The following BABAM2 variants were observed in gnomAD, a reference collection of about 807,000 sequenced individuals.
BABAM2 encodes BRISC and BRCA1 A complex member 2.
In BABAM2, 31 loss-of-function variants were observed where a neutral mutation model predicts 54.7. The observed-to-expected ratio is 0.57, with a 90% CI of 0.43 to 0.77. The LOEUF (loss-of-function observed/expected upper bound fraction) is 0.77. Ranked by LOEUF, BABAM2 falls within the 30% of genes least tolerant of loss-of-function variation. BABAM2 has a pLI of 0.00. For missense variants in BABAM2, 364 were observed against 455.8 expected, an observed-to-expected ratio of 0.80 and a Z score of 1.83; for synonymous variants, 167 against 162.9, an observed-to-expected ratio of 1.03 and a Z score of -0.19.
intron 7 of BABAM2, among the ~76,000 whole-genome samples, chr2:28,164,338 C>T (rs529331546): frequency 5.3e-5 from 8 of 152,172 alleles, no homozygotes; most frequent in South Asian, 2.1e-4. Flanking sequence ...TAGAGGAGTG[C>T]GTCCTGGCCT....
chr2:28,319,084 T>G (rs1245348705), intron 11 of BABAM2, among the ~76,000 whole-genome samples: 10 of 152,096 alleles, frequency 6.6e-5, no homozygotes, highest in Admixed American at 6.5e-4. Flanking sequence ...AAATGCAAAT[T>G]AGGAAGGAAG....
chr2:28,074,245 C>T (rs1664445880), intron 6 of BABAM2, among the ~76,000 whole-genome samples: 1 of 152,140 alleles, frequency 6.6e-6, no homozygotes, highest in Admixed American at 6.5e-5. Flanking sequence ...TTTTCAGCCT[C>T]AGCACTATTG....
At chr2:28,251,945 C>G (rs1408173997) in intron 10 of BABAM2, among the ~76,000 whole-genome samples, 1 of 152,152 alleles carries the variant, frequency 6.6e-6, no homozygotes, top group African/African-American at 2.4e-5. Flanking sequence ...AATCCCAGCA[C>G]TTGGGGAGGC....
At chr2:28,008,891 C>T (rs368048137) in intron 4 of BABAM2, among the ~76,000 whole-genome samples, 4 of 152,070 alleles carry the variant, frequency 2.6e-5, no homozygotes, top group African/African-American at 7.2e-5. Flanking sequence ...GTTCTTCCCC[C>T]CTGGATATGG....
intron 11 of BABAM2, among the ~76,000 whole-genome samples, chr2:28,337,781 T>C (rs1193158909): frequency 6.6e-6 from 1 of 152,228 alleles, no homozygotes; most frequent in South Asian, 2.1e-4. Context: ...GGCCAGGAGT[T>C]TGAGACCAGT....
intron 7 of BABAM2, among the ~76,000 whole-genome samples, chr2:28,179,669 A>G (rs1281709679): frequency 3.3e-5 from 5 of 152,184 alleles, no homozygotes; most frequent in African/African-American, 9.6e-5. Context: ...TAACAATCAG[A>G]AAAGAGGAAG....
At chr2:28,112,154 C>G (rs1236121162) in intron 6 of BABAM2, among the ~76,000 whole-genome samples, 1 of 12,526 alleles carries the variant, frequency 8.0e-5, no homozygotes, top group African/African-American at 3.1e-4. Flanking sequence ...TCTTTACCTC[C>G]CTCCCTCCCT....
At chr2:28,155,695 G>A (rs2147793079) in intron 7 of BABAM2, among the ~76,000 whole-genome samples, 1 of 152,254 alleles carries the variant, frequency 6.6e-6, no homozygotes, top group South Asian at 2.1e-4. Context: ...GAGATAATGA[G>A]CTATAAAGAG....
chr2:27,930,282 C>G (rs1177830714), intron 3 of BABAM2: 1 of 181,952 alleles, frequency 5.5e-6, no homozygotes, highest in Non-Finnish European at 1.2e-5. Context: ...CTGCTGCTAA[C>G]CCCCCTGTGG....
intron 11 of BABAM2, among the ~76,000 whole-genome samples, chr2:28,324,346 C>T (rs1204987705): frequency 2.6e-5 from 4 of 152,136 alleles, no homozygotes; most frequent in Non-Finnish European, 4.4e-5. Context: ...GGGACAGAAC[C>T]CAAGGCTCCC....
intron 5 of BABAM2, among the ~76,000 whole-genome samples, chr2:28,033,406 TC>T (rs1396913635): frequency 2.6e-5 from 4 of 152,076 alleles, no homozygotes; most frequent in Admixed American, 2.0e-4. Flanking sequence ...AGTTGAGAAG[TC>T]CTAGGTTGAG....
intron 4 of BABAM2, among the ~76,000 whole-genome samples, chr2:28,004,438 C>A (rs1223008031): frequency 6.6e-6 from 1 of 152,082 alleles, no homozygotes; most frequent in Non-Finnish European, 1.5e-5. Flanking sequence ...ACATTCAACA[C>A]ATTGAATACA....
At chr2:28,061,007 C>CT (rs1678815287) in intron 6 of BABAM2, among the ~76,000 whole-genome samples, 1 of 152,048 alleles carries the variant, frequency 6.6e-6, no homozygotes, top group African/African-American at 2.4e-5. Flanking sequence ...TACCAAGGAC[C>CT]TAGAATAGCC....
At chr2:28,035,640 C>A (rs1190106809) in intron 5 of BABAM2, among the ~76,000 whole-genome samples, 2 of 152,116 alleles carry the variant, frequency 1.3e-5, no homozygotes, top group African/African-American at 2.4e-5. Flanking sequence ...AATAAATGAA[C>A]CATGACAGTG....
intron 7 of BABAM2, among the ~76,000 whole-genome samples, chr2:28,227,707 C>T (rs1044159013): frequency 6.6e-6 from 1 of 152,030 alleles, no homozygotes; most frequent in Non-Finnish European, 1.5e-5. Context: ...TTGCATTGAC[C>T]ACACCCCTTC....
At chr2:28,036,855 T>G (rs1389215042) in intron 5 of BABAM2, among the ~76,000 whole-genome samples, 1 of 152,192 alleles carries the variant, frequency 6.6e-6, no homozygotes, top group Admixed American at 6.5e-5. Flanking sequence ...GTCAAAACAC[T>G]TACCATGTCG....
chr2:27,908,239 C>T (rs144846882), intron 2 of BABAM2, among the ~76,000 whole-genome samples: 25 of 152,084 alleles, frequency 1.6e-4, no homozygotes, highest in African/African-American at 5.5e-4. Context: ...GTATAGTACT[C>T]AATAGGTAGG....
intron 6 of BABAM2, among the ~76,000 whole-genome samples, chr2:28,051,564 A>G (rs1677997404): frequency 6.6e-6 from 1 of 152,198 alleles, no homozygotes; most frequent in African/African-American, 2.4e-5. Flanking sequence ...ACAACTGTGG[A>G]GAAACCTGAA....
chr2:28,006,045 A>T (rs768296257), intron 4 of BABAM2, among the ~76,000 whole-genome samples: 1 of 152,126 alleles, frequency 6.6e-6, no homozygotes, highest in Non-Finnish European at 1.5e-5. Flanking sequence ...ATTAAGATCT[A>T]TGCATTGTGA....
Sources: gnomAD v4.1 joint callset for allele counts (sites outside exome capture counted in the v4.1 genomes callset) on GRCh38, gnomAD v4.1.1 for gene constraint, MANE v1.5 for transcripts, NCBI Gene and HGNC (gene_info 2026-07-23, HGNC 2026-07-21) for gene names.